SMC1B: variants seen among roughly 807,000 people sequenced by gnomAD.
SMC1B encodes structural maintenance of chromosomes protein 1B.
A neutral mutation model predicts 157.9 loss-of-function variants in SMC1B; 60 were observed. The ratio of observed to expected loss-of-function variants is 0.38; its 90% CI spans 0.31 to 0.47. The LOEUF (loss-of-function observed/expected upper bound fraction) is 0.47. Ranked by LOEUF, SMC1B falls within the 20% of genes least tolerant of loss-of-function variation. The pLI is 0.99. For synonymous variants in SMC1B, 445 were observed against 483.0 expected (o/e 0.92, Z 1.03); for missense variants, 1,165 against 1,426.2 (o/e 0.82, Z 2.95).
chr22:45,410,889 G>A (rs549020153), intron 1 of SMC1B, among the ~76,000 whole-genome samples: 53 of 152,184 alleles, frequency 3.5e-4, no homozygotes, highest in Non-Finnish European at 6.3e-4. Context: ...TAACAGGTAT[G>A]AAACGGCTTT....
At chr22:45,372,590 G>A (rs1431686192) in intron 12 of SMC1B, among the ~76,000 whole-genome samples, 1 of 152,102 alleles carries the variant, frequency 6.6e-6, no homozygotes, top group Non-Finnish European at 1.5e-5. Context: ...ATAGGATCAT[G>A]TAATTGCCTT....
At chr22:45,370,714 A>C (rs2146793791) in intron 14 of SMC1B, among the ~76,000 whole-genome samples, 1 of 152,348 alleles carries the variant, frequency 6.6e-6, no homozygotes, top group South Asian at 2.1e-4. Context: ...AGTTATAAAC[A>C]TACAGACCCA....
intron 5 of SMC1B, among the ~76,000 whole-genome samples, chr22:45,399,889 C>T (rs181267125): frequency 9.9e-5 from 15 of 152,162 alleles, no homozygotes; most frequent in Admixed American, 4.6e-4. Flanking sequence ...CGCTATTACA[C>T]GTGATTACTG....
intron 2 of SMC1B, among the ~76,000 whole-genome samples, 168 bp from the exon 3 acceptor site, chr22:45,407,033 A>G (rs942944477): frequency 6.6e-5 from 10 of 152,198 alleles, no homozygotes; most frequent in Admixed American, 1.3e-4. Context: ...AGTGTCTATT[A>G]CATGTCAAGG....
chr22:45,405,063 G>T (rs1967829212), intron 4 of SMC1B, among the ~76,000 whole-genome samples: 1 of 152,160 alleles, frequency 6.6e-6, no homozygotes, highest in African/African-American at 2.4e-5. Context: ...CTGAGAAAAT[G>T]GCTTTTTAAT....
Position 45,402,352 on chromosome 22 carries a change from G to C in SMC1B, c.835C>G (p.Gln279Glu), listed in dbSNP as rs1258440096. ...ACTCACTTTAATTCTTTTTCTGTTT[G>C]TTGTAGTTGTCTAGTTAGCATTCCA... ...EHGMLTRQLQ[Q>E]TEKELKSVET... Residue 279 changes from glutamine to glutamate, a missense_variant, in exon 5 of 25, where the codon CAA becomes GAA. Transcript: ENST00000357450. 2 of 1,610,528 alleles carry C rather than the reference G, an allele frequency of 1.2e-6. No individual in the cohort carries two copies.
chr22:45,360,107 T>C, intron 17 of SMC1B, 149 bp from the exon 18 acceptor site: 1 of 626,172 alleles, frequency 1.6e-6, no homozygotes. Flanking sequence ...TTGATGCTTG[T>C]AATTTAATTG....
chr22:45,353,480 T>G (rs1190484432), intron 21 of SMC1B, among the ~76,000 whole-genome samples: 1 of 152,126 alleles, frequency 6.6e-6, no homozygotes. Context: ...GTATTTGCTA[T>G]GGATACTGAT....
At chr22:45,394,638 A>G in intron 8 of SMC1B, 47 bp downstream of exon 8, 1 of 1,468,908 alleles carries the variant, frequency 6.8e-7, no homozygotes, top group Non-Finnish European at 9.1e-7. Context: ...CCCTCTCTCA[A>G]AAAATAAAAG....
At chr22:45,391,078 TA>T (rs1458731788) in intron 9 of SMC1B, among the ~76,000 whole-genome samples, 62 of 149,176 alleles carry the variant, frequency 4.2e-4, no homozygotes, top group Middle Eastern at 3.4e-3. Context: ...TTTTTTTTTT[TA>T]AAGAGATGAG....
intron 15 of SMC1B, among the ~76,000 whole-genome samples, chr22:45,365,059 G>A (rs2086762066): frequency 6.6e-6 from 1 of 151,730 alleles, no homozygotes; most frequent in African/African-American, 2.4e-5. Flanking sequence ...GGATGGTCTC[G>A]ATCGCCTGAC....
chr22:45,362,742 T>G (rs2146779580), intron 16 of SMC1B, 143 bp downstream of exon 16: 1 of 664,336 alleles, frequency 1.5e-6, no homozygotes, highest in East Asian at 2.9e-5. Context: ...CATAAAGCTC[T>G]GCTGATTTTA....
intron 23 of SMC1B, among the ~76,000 whole-genome samples, chr22:45,347,994 T>G (rs2086569512): frequency 6.6e-6 from 1 of 152,210 alleles, no homozygotes; most frequent in South Asian, 2.1e-4. Context: ...TGTCGGGCAC[T>G]GCCAGGATTT....
chr22:45,369,327 A>G (rs886215687), intron 15 of SMC1B, among the ~76,000 whole-genome samples: 2 of 151,542 alleles, frequency 1.3e-5, no homozygotes, highest in African/African-American at 4.9e-5. Context: ...CTATCTCCTG[A>G]CCTCATGATC....
chr22:45,346,596 G>C (rs1480869087), intron 23 of SMC1B, among the ~76,000 whole-genome samples: 1 of 152,220 alleles, frequency 6.6e-6, no homozygotes, highest in South Asian at 2.1e-4. Flanking sequence ...TGAGGAATGA[G>C]TGGCCATGTT....
At chr22:45,347,664 G>T (rs2086566332) in intron 23 of SMC1B, among the ~76,000 whole-genome samples, 1 of 152,050 alleles carries the variant, frequency 6.6e-6, no homozygotes, top group African/African-American at 2.4e-5. Context: ...ATGTTGCTCA[G>T]GCTGGTCTCG....
At chr22:45,406,353 A>C in intron 4 of SMC1B, 107 bp downstream of exon 4, 3 of 856,224 alleles carry the variant, frequency 3.5e-6, no homozygotes, top group Non-Finnish European at 5.3e-6. Context: ...TAATTGTCTT[A>C]TACTATTAAA....
intron 12 of SMC1B, among the ~76,000 whole-genome samples, chr22:45,374,058 G>A (rs2086860159): frequency 6.9e-6 from 1 of 144,374 alleles, no homozygotes; most frequent in Admixed American, 6.9e-5. Flanking sequence ...GAAAATAAGA[G>A]AGAAGTAAAG....
intron 12 of SMC1B, among the ~76,000 whole-genome samples, chr22:45,373,003 G>A (rs1308113561): frequency 6.6e-6 from 1 of 151,768 alleles, no homozygotes; most frequent in East Asian, 1.9e-4. Context: ...GTGAGCCACC[G>A]CACCCGGCTG....
Sources: gnomAD v4.1 joint callset for allele counts (sites outside exome capture counted in the v4.1 genomes callset) on GRCh38, gnomAD v4.1.1 for gene constraint, MANE v1.5 for transcripts, NCBI Gene and HGNC (gene_info 2026-07-23, HGNC 2026-07-21) for gene names.